Variants in CDH23 observed in about 807,000 individuals in gnomAD.
CDH23 encodes the protein cadherin related 23.
A neutral mutation model predicts 317.1 loss-of-function variants in CDH23; 189 were observed. The observed-to-expected ratio is 0.60, with a 90% CI of 0.53 to 0.67. CDH23 has a LOEUF of 0.67. CDH23 is among the 30% of genes least tolerant of loss of function. The pLI, the probability that CDH23 is intolerant of heterozygous loss-of-function variation, is 0.00. For missense variants in CDH23, 4,401 were observed against 4,592.4 expected (o/e 0.96, Z 1.20); for synonymous variants, 1,839 against 1,876.8 (o/e 0.98, Z 0.52).
chr10:71,687,230 TG>T (rs1199709028), intron 18 of CDH23, among the ~76,000 whole-genome samples: 4 of 152,206 alleles, frequency 2.6e-5, no homozygotes, highest in Non-Finnish European at 4.4e-5. Flanking sequence ...TAGAAGCTTT[TG>T]TCATCATCCT....
chr10:71,656,280 G>A lies in CDH23; in HGVS notation c.1449+9663G>A, dbSNP rs79221447. Among the ~76,000 whole-genome samples, 14 of 152,320 alleles carry A rather than the reference G, an allele frequency of 9.2e-5. No homozygotes were observed. The East Asian group carries it at 2.3e-3, about 25-fold the overall frequency. On this transcript the variant is annotated intron_variant, in intron 14 of 69. Transcript: ENST00000224721. ...CTCAGTCTGGCCCTGTAGACAGGTG[G>A]GCGGGAGCTGACCCTGCTTCCCTGG...
chr10:71,622,274 A>T (rs1861502224), intron 11 of CDH23, among the ~76,000 whole-genome samples: 1 of 151,810 alleles, frequency 6.6e-6, no homozygotes, highest in African/African-American at 2.4e-5. Flanking sequence ...TATTTTCTCC[A>T]CTTGGGTCAA....
At chr10:71,402,843 G>A (rs183916681) in intron 1 of CDH23, among the ~76,000 whole-genome samples, 3 of 152,278 alleles carry the variant, frequency 2.0e-5, no homozygotes, top group South Asian at 2.1e-4. Context: ...CTGGCCAGGC[G>A]TGGTGGCTCA....
At position 71,645,822 on chromosome 10, in the gene CDH23, T is replaced by G; in HGVS notation, c.1141-9T>G. On this transcript the variant is annotated splice_polypyrimidine_tract_variant and intron_variant, in intron 12 of 69. Transcript: ENST00000224721. ...TTCCTGACTGGCTTCTTCTGCACTC[T>G]TGACCCAGGGCCTGAACAGCATGTT... 6.2e-7 allele frequency: 1 copy of G among 1,607,192 alleles called. No homozygotes were observed. Among genetic ancestry groups the G allele is most frequent in the Non-Finnish European group, 8.5e-7 (1 of 1,174,574 alleles).
rs77024895 is a variant in CDH23 at position 71,521,719 on chromosome 10, C to G, written c.429+10507C>G. On this transcript the variant is annotated intron_variant, in intron 6 of 69. Transcript: ENST00000224721. ...GCTAGAGATGTCAGAGCACATATCC[C>G]CTTCAGAAGCAGCTGCTGAGGGCCG... Among the ~76,000 whole-genome samples, 482 of 152,354 alleles carry G rather than the reference C, an allele frequency of 3.2e-3. 2 individuals carry two copies. The highest frequency in any genetic ancestry group is 0.011 in the African/African-American group (469 of 41,586).
chr10:71,806,573 GCT>G lies in CDH23; in HGVS notation c.8178+295_8178+296del, dbSNP rs60173750. Among the ~76,000 whole-genome samples, 57,708 of 144,188 alleles carry G rather than the reference GCT, an allele frequency of 0.4. 11,924 individuals are homozygous for G. The highest frequency in any genetic ancestry group is 0.49 in the South Asian group (2,288 of 4,638). 94.6% of individuals were successfully genotyped at this position (144,188 alleles called of 152,430 possible). A position where few individuals can be genotyped will look rare whatever the true frequency, so the allele number is the denominator to read the frequency against. On this transcript the variant is annotated intron_variant, in intron 57 of 69. Transcript: ENST00000224721. The stretch of plus-strand genomic sequence containing the variant: ...ACACACACACAAAGCATGAAAATCA[GCT>G]CTGATTTTTTTTTTTTTTTTTTGAG...
At chr10:71,766,286 G>A (rs12360092) in intron 38 of CDH23, among the ~76,000 whole-genome samples, 21,048 of 152,158 alleles carry the variant, frequency 0.14, 2,425 homozygotes, top group African/African-American at 0.32. Flanking sequence ...AAAATGACCC[G>A]GGGCCTGGGC....
chr10:71,780,398 G>C (rs537764960), intron 41 of CDH23, among the ~76,000 whole-genome samples: 51 of 152,178 alleles, frequency 3.4e-4, no homozygotes, highest in Non-Finnish European at 6.0e-4. Flanking sequence ...CAGGGTGAAG[G>C]CAGCAATTGT....
chr10:71,528,542 G>A (rs1388070926), intron 6 of CDH23, among the ~76,000 whole-genome samples: 1 of 152,220 alleles, frequency 6.6e-6, no homozygotes, highest in Non-Finnish European at 1.5e-5. Flanking sequence ...TGGTTAAAAA[G>A]CCTCATCGGA....
intron 3 of CDH23, among the ~76,000 whole-genome samples, chr10:71,474,719 G>A (rs533756343): frequency 1.8e-4 from 27 of 152,190 alleles, no homozygotes; most frequent in Admixed American, 1.1e-3. Flanking sequence ...GCATCTTCTG[G>A]TAGTCTTTCC....
At chr10:71,649,002 C>T (rs905079213) in intron 14 of CDH23, among the ~76,000 whole-genome samples, 5 of 152,210 alleles carry the variant, frequency 3.3e-5, no homozygotes, top group Admixed American at 2.0e-4. Flanking sequence ...CTCTTAGCGC[C>T]TTCATTTTCT....
At chr10:71,682,694 T>C in intron 18 of CDH23, 122 bp downstream of exon 18, 1 of 1,265,850 alleles carries the variant, frequency 7.9e-7, no homozygotes, top group Non-Finnish European at 1.1e-6. Context: ...CCTTGGGGAG[T>C]TTACCCAGCC....
intron 38 of CDH23, among the ~76,000 whole-genome samples, chr10:71,765,246 G>C (rs1311192062): frequency 1.3e-5 from 2 of 152,242 alleles, no homozygotes; most frequent in African/African-American, 4.8e-5. Flanking sequence ...AGCCACCCCA[G>C]GGCTGGGAGC....
intron 26 of CDH23, chr10:71,707,365 C>G: frequency 7.3e-7 from 1 of 1,375,254 alleles, no homozygotes; most frequent in African/African-American, 1.5e-5. Context: ...AGCCCTGAGC[C>G]CCACTCCCCG....
chr10:71,548,010 C>T (rs1856379658), intron 6 of CDH23, among the ~76,000 whole-genome samples: 1 of 152,222 alleles, frequency 6.6e-6, no homozygotes, highest in African/African-American at 2.4e-5. Context: ...CGCTGCTCCT[C>T]CAGCCTGCCT....
intron 2 of CDH23, among the ~76,000 whole-genome samples, chr10:71,445,781 C>T (rs532811480): frequency 8.4e-5 from 12 of 142,242 alleles, no homozygotes; most frequent in African/African-American, 3.1e-4. Context: ...TTGGGTGGTC[C>T]GGCCTGCCGT....
intron 25 of CDH23, among the ~76,000 whole-genome samples, chr10:71,706,010 G>A (rs2132743213): frequency 6.6e-6 from 1 of 152,286 alleles, no homozygotes; most frequent in Non-Finnish European, 1.5e-5. Flanking sequence ...GTGGGTTTCT[G>A]TTGCCAGTTT....
intron 1 of CDH23, among the ~76,000 whole-genome samples, chr10:71,419,108 C>T (rs1848642985): frequency 6.6e-6 from 1 of 152,106 alleles, no homozygotes; most frequent in South Asian, 2.1e-4. Context: ...GTTAGTGTTC[C>T]TCTGTGGCCT....
chr10:71,744,372 C>A (rs75920512), intron 38 of CDH23, among the ~76,000 whole-genome samples: 3,727 of 152,240 alleles, frequency 0.024, 88 homozygotes, highest in East Asian at 0.1. Context: ...TTCTAAGACC[C>A]TGCAGTTTGT....
Sources: gnomAD v4.1 joint callset for allele counts (sites outside exome capture counted in the v4.1 genomes callset) on GRCh38, gnomAD v4.1.1 for gene constraint, MANE v1.5 for transcripts, NCBI Gene and HGNC (gene_info 2026-07-23, HGNC 2026-07-21) for gene names.